Variants in CZIB observed in about 807,000 individuals in gnomAD.
CZIB encodes the protein CXXC motif containing zinc binding protein, also known as UPF0587 protein C1orf123.
Under a neutral mutation model 28.3 loss-of-function variants are expected in CZIB, and 26 were observed. The ratio of observed to expected loss-of-function variants is 0.92; its 90% CI spans 0.67 to 1.27. CZIB has a LOEUF of 1.27. Ranked by LOEUF, CZIB falls within the 50% of genes most tolerant of loss-of-function variation. The pLI, the probability that CZIB is intolerant of heterozygous loss-of-function variation, is 0.00. For missense variants in CZIB, 179 were observed against 197.3 expected (o/e 0.91, Z 0.56); for synonymous variants, 78 against 71.1 (o/e 1.10, Z -0.49).
chr1:53,218,415 G>A lies in CZIB; in HGVS notation c.228C>T (p.Ile76=), dbSNP rs745315369. 33 of 1,614,092 alleles carry A rather than the reference G, an allele frequency of 2.0e-5. No individual in the cohort carries two copies. In the Admixed American group the frequency reaches 2.8e-4, roughly 14 times the overall value. ...KCKLCARENS[I]EILSSTIKPY... is the part of the protein sequence containing the mutation. ...CTCAGTACGCACAGCCTGACCTACC[G>A]ATGGAATTTTCTCTTGCACACAGCT... Residue 76 remains isoleucine, a splice_region_variant and synonymous_variant, in exon 4 of 8, where the codon ATC becomes ATT. Transcript: ENST00000294360.
chr1:53,216,272 G>C (rs1645472484), intron 6 of CZIB, among the ~76,000 whole-genome samples: 1 of 152,194 alleles, frequency 6.6e-6, no homozygotes, highest in Non-Finnish European at 1.5e-5. Flanking sequence ...CCTTGGACCA[G>C]AAGGCAGCAG....
intron 5 of CZIB, 183 bp from the exon 6 acceptor site, chr1:53,217,042 G>A (rs1273615885): frequency 1.0e-5 from 6 of 571,718 alleles, no homozygotes; most frequent in Non-Finnish European, 1.9e-5. Flanking sequence ...GAAGCTTTCT[G>A]TAGACAGCAG....
At chr1:53,215,799 A>T (rs542995013) in intron 7 of CZIB, among the ~76,000 whole-genome samples, 192 bp downstream of exon 7, 1 of 152,354 alleles carries the variant, frequency 6.6e-6, no homozygotes, top group East Asian at 1.9e-4. Flanking sequence ...TGTAAGGGGC[A>T]TCATAGCTTT....
chr1:53,214,774 G>T, intron 7 of CZIB, 38 bp from the exon 8 acceptor site: 1 of 1,571,958 alleles, frequency 6.4e-7, no homozygotes, highest in Non-Finnish European at 8.7e-7. Flanking sequence ...TCACAACGCA[G>T]AATGCAGCCA....
At position 53,219,998 on chromosome 1, in the gene CZIB, AAG is replaced by A. The variant is rs1173863987; in HGVS notation, c.90+261_90+262del. On this transcript the variant is annotated intron_variant, in intron 2 of 7. Coordinates refer to ENST00000294360, the MANE Select transcript of CZIB (RefSeq NM_017887.3). ...ATTAAATAATCACAAGCGTCCCTTC[AAG>A]TAGCATTTCGTTTAGTGTCCATTTA... is the stretch of plus-strand genomic sequence containing the variant. 4 of 461,440 alleles carry A rather than the reference AAG, an allele frequency of 8.7e-6. No individual in the cohort carries two copies. The East Asian group carries it at 1.4e-4, about 17-fold the overall frequency. The allele number at this position is 461,440 out of a possible 1,614,324, so 28.6% of individuals were successfully genotyped here. A position where few individuals can be genotyped will look rare whatever the true frequency, so the allele number is the denominator to read the frequency against.
chr1:53,218,749 C>A, intron 3 of CZIB, 118 bp downstream of exon 3: 1 of 1,106,658 alleles, frequency 9.0e-7, no homozygotes. Context: ...CCTCCCAAAC[C>A]ACAAAAAGCA....
chr1:53,218,339 T>C lies in CZIB; in HGVS notation c.229+75A>G, dbSNP rs185347619. ...GGCCTGACTCCACCCTCAGGTAACA[T>C]GAGTCTACTTTCAGCCTGGTGCCAG... On this transcript the variant is annotated intron_variant, in intron 4 of 7. Transcript: ENST00000294360. 7.7e-5 allele frequency: 123 copies of C among 1,588,278 alleles called. No individual in the cohort carries two copies. The African/African-American group carries it at 1.4e-3, about 18-fold the overall frequency.
At chr1:53,215,062 G>A (rs1409042907) in intron 7 of CZIB, among the ~76,000 whole-genome samples, 5 of 152,132 alleles carry the variant, frequency 3.3e-5, no homozygotes, top group Non-Finnish European at 5.9e-5. Flanking sequence ...CTCAGCAGCC[G>A]GGCGTGGTGG....
At chr1:53,216,208 T>C in intron 6 of CZIB, 152 bp from the exon 7 acceptor site, 1 of 676,504 alleles carries the variant, frequency 1.5e-6, no homozygotes, top group Non-Finnish European at 2.5e-6. Flanking sequence ...CTGCTGAGCT[T>C]CCAGGACCCG....
At position 53,218,461 on chromosome 1, in the gene CZIB, G is replaced by T. The variant is rs767565531; in HGVS notation, c.182C>A (p.Ala61Asp). The T allele has an allele frequency of 1.2e-6, 2 of 1,614,088 alleles. No individual in the cohort carries two copies. Among genetic ancestry groups the T allele is most frequent in the East Asian group, 2.2e-5 (1 of 44,892 alleles). ...SVALKGGRGS[A>D]SMVQKCKLCA... is the part of the protein sequence containing the mutation. ...CAGCTTGCACTTCTGGACCATGGAA[G>T]CACTGCCACGGCCCCCCTTCAGTGC... The change falls in exon 4 of 8, where the codon GCT (alanine) becomes GAT (aspartate). Residue 61 changes from alanine to aspartate, a missense_variant. Transcript: ENST00000294360.
chr1:53,218,856 G>A lies in CZIB; in HGVS notation c.147+11C>T, dbSNP rs1201386778. On this transcript the variant is annotated intron_variant, in intron 3 of 7. Coordinates refer to ENST00000294360, the MANE Select transcript of CZIB (RefSeq NM_017887.3). ...AGTGTTTATGTTGGGGGTTGGGCGG[G>A]GAACAGTTACCATCAGCCGGATGTA... The A allele has an allele frequency of 6.8e-6, 11 of 1,610,578 alleles. No homozygotes were observed. Among genetic ancestry groups the A allele is most frequent in the Non-Finnish European group, 9.3e-6 (11 of 1,177,018 alleles).
At chr1:53,220,416 T>C (rs1055299680) in intron 1 of CZIB, 72 bp from the exon 2 acceptor site, 96 of 1,582,362 alleles carry the variant, frequency 6.1e-5, no homozygotes, top group Admixed American at 1.0e-4. Context: ...CCCTCCCGCA[T>C]TCCCAGCCGT....
At chr1:53,218,527 A>G (rs1053883708) in intron 3 of CZIB, 32 bp from the exon 4 acceptor site, 2 of 1,605,092 alleles carry the variant, frequency 1.2e-6, no homozygotes, top group Non-Finnish European at 1.7e-6. Context: ...TTTCAGTCAC[A>G]TATGAATTAG....
intron 3 of CZIB, 82 bp from the exon 4 acceptor site, chr1:53,218,577 C>T: frequency 1.4e-6 from 2 of 1,389,990 alleles, no homozygotes; most frequent in Non-Finnish European, 1.0e-6. Flanking sequence ...CATTTATTGT[C>T]CACTTAAAGA....
chr1:53,214,791 GA>G (rs1645459223), intron 7 of CZIB, 55 bp from the exon 8 acceptor site: 1 of 1,508,172 alleles, frequency 6.6e-7, no homozygotes, highest in South Asian at 1.1e-5. Flanking sequence ...GCCATGTGGA[GA>G]GCAGAAAACT....
At position 53,215,981 on chromosome 1, in the gene CZIB, A is replaced by G. The variant is rs1347254174; in HGVS notation, c.405+10T>C. 1.9e-6 allele frequency: 3 copies of G among 1,613,952 alleles called. No individual in the cohort carries two copies. The highest frequency in any genetic ancestry group is 1.7e-4 in the Middle Eastern group (1 of 6,058). On this transcript the variant is annotated intron_variant, in intron 7 of 7. Coordinates refer to ENST00000294360, the MANE Select transcript of CZIB (RefSeq NM_017887.3). ...CCTACAGTACCTCCCAAAGCCCCCA[A>G]GTCTCATACCTTCTCCTGCAGATTA...
chr1:53,218,796 C>T, intron 3 of CZIB, 71 bp downstream of exon 3: 1 of 1,485,816 alleles, frequency 6.7e-7, no homozygotes, highest in Non-Finnish European at 9.4e-7. Context: ...GCCAGTTTCC[C>T]CAAATCCCTG....
At position 53,214,450 on chromosome 1, in the gene CZIB, C is replaced by T. The variant is rs1645455151; in HGVS notation, c.*209G>A. 1 of 520,402 alleles carries T rather than the reference C, an allele frequency of 1.9e-6. No individual in the cohort carries two copies. The highest frequency in any genetic ancestry group is 3.2e-5 in the Admixed American group (1 of 31,448). The allele number at this position is 520,402 out of a possible 1,614,324, so 32.2% of individuals were successfully genotyped here. On this transcript the variant is annotated 3_prime_UTR_variant, in exon 8 of 8. Coordinates refer to ENST00000294360, the MANE Select transcript of CZIB (RefSeq NM_017887.3). ...TATTTGTGGAGGGAGTAGCTGCCTC[C>T]TTACTTCACCTTCATGCACCAGTGC...
chr1:53,219,914 T>C (rs974035141), intron 2 of CZIB: 4 of 252,308 alleles, frequency 1.6e-5, no homozygotes. Context: ...CGCACAAAAT[T>C]AAACTATTTC....
Sources: allele counts gnomAD v4.1 joint callset (sites outside exome capture counted in the v4.1 genomes callset), GRCh38; gene constraint gnomAD v4.1.1; transcripts MANE v1.5; gene names NCBI Gene and HGNC (gene_info 2026-07-23, HGNC 2026-07-21).